Variants in ACE observed in about 807,000 individuals in gnomAD.
ACE encodes the protein angiotensin-converting enzyme.
ACE carries 122 observed loss-of-function variants against 162.3 expected under a neutral mutation model. The observed-to-expected ratio is 0.75, with a 90% CI of 0.65 to 0.87. The LOEUF is 0.87. Among genes scored for constraint, ACE ranks in the 40% least tolerant of loss-of-function variants. The pLI is 0.00. For synonymous variants in ACE, 796 were observed against 720.6 expected (o/e 1.10, Z -1.68); for missense variants, 1,799 against 1,735.1 (o/e 1.04, Z -0.65).
In ACE at chr17:63,477,073, G is replaced by A. The variant is rs1364889837; in HGVS notation, c.-22G>A. 6.2e-6 allele frequency: 8 copies of A among 1,296,044 alleles called. No individual in the cohort carries two copies. In the East Asian group the frequency reaches 1.3e-4, roughly 21 times the overall value. 80.3% of individuals were successfully genotyped at this position (1,296,044 alleles called of 1,614,324 possible). A position where few individuals can be genotyped will look rare whatever the true frequency, so the allele number is the denominator to read the frequency against. On this transcript the variant is annotated 5_prime_UTR_variant, in exon 1 of 25. Transcript: ENST00000290866. ...GCCGCGGCGCAGGAGAAGGGGCAGA[G>A]CCGAGCACCGCGCACCGCGTCATGG... is the stretch of plus-strand genomic sequence containing the variant.
At position 63,483,165 on chromosome 17, in the gene ACE, G is replaced by T. The variant is rs1182135727; in HGVS notation, c.1479G>T (p.Trp493Cys). ...CTTCCCGCTACAACTTCGACTGGTG[G>T]TATCTTCGGTGAGAGGAGGGATAGA... ...TPPSRYNFDW[W>C]YLRTKYQGIC... Residue 493 changes from tryptophan (W) to cysteine (C), a missense_variant, in exon 9 of 25, where the codon TGG (tryptophan) becomes TGT (cysteine). Transcript: ENST00000290866. 6.2e-7 allele frequency: 1 copy of T among 1,613,926 alleles called. No homozygotes were observed. Among genetic ancestry groups the T allele is most frequent in the South Asian group, 1.1e-5 (1 of 91,080 alleles).
intron 10 of ACE, 120 bp downstream of exon 10, chr17:63,483,678 G>C: frequency 7.2e-7 from 1 of 1,393,830 alleles, no homozygotes; most frequent in Non-Finnish European, 1.0e-6. Context: ...AGACCTCAAA[G>C]GCCTGGAGTT....
chr17:63,480,080 C>CT (rs1275264506), intron 4 of ACE, among the ~76,000 whole-genome samples, 168 bp downstream of exon 4: 1 of 152,198 alleles, frequency 6.6e-6, no homozygotes, highest in Non-Finnish European at 1.5e-5. Context: ...TGTGCCTGGA[C>CT]TTTGCTGCTG....
chr17:63,495,494 A>G (rs2030673012), intron 22 of ACE, among the ~76,000 whole-genome samples: 1 of 152,160 alleles, frequency 6.6e-6, no homozygotes, highest in African/African-American at 2.4e-5. Flanking sequence ...ATCAAGTGCT[A>G]ATAACTGATT....
Position 63,489,136 on chromosome 17 carries a change from A to T in ACE, c.2641+4A>T, listed in dbSNP as rs1243122335. Reference sequence around the variant, plus strand: ...CCCATTCCTGCTCACCTGCTGGGTAAGGGCACATGTCGGGCCTTGAGGAGG... The same window carrying T: ...CCCATTCCTGCTCACCTGCTGGGTATGGGCACATGTCGGGCCTTGAGGAGG... On this transcript the variant is annotated splice_donor_region_variant and intron_variant, in intron 17 of 24. Coordinates refer to ENST00000290866, the MANE Select transcript of ACE (RefSeq NM_000789.4). 1 of 1,607,284 alleles carries T rather than the reference A, an allele frequency of 6.2e-7. No homozygotes were observed. The highest frequency in any genetic ancestry group is 2.2e-5 in the East Asian group (1 of 44,894).
chr17:63,490,946 G>A lies in ACE; in HGVS notation c.2642-8G>A, dbSNP rs371426312. The A allele has an allele frequency of 9.9e-6, 16 of 1,613,814 alleles. No homozygotes were observed. The African/African-American group carries it at 1.2e-4, about 12-fold the overall frequency. On this transcript the variant is annotated splice_polypyrimidine_tract_variant and splice_region_variant and intron_variant, in intron 17 of 24. Coordinates refer to ENST00000290866, the MANE Select transcript of ACE (RefSeq NM_000789.4). ...CCTCTCTCTGCCGTCCCCCACACTC[G>A]CCTCCAGGGAACATGTGGGCGCAGA...
chr17:63,485,271 G>A lies in ACE; in HGVS notation c.1957G>A (p.Val653Met), dbSNP rs1248095456. 7 of 1,614,116 alleles carry A rather than the reference G, an allele frequency of 4.3e-6. No homozygotes were observed. Among genetic ancestry groups the A allele is most frequent in the Non-Finnish European group, 5.1e-6 (6 of 1,180,014 alleles). The stretch of plus-strand genomic sequence containing the variant: ...TGATGAGGCTGAGGCCAGCAAGTTT[G>A]TGGAGGAATATGACCGGACATCCCA... Reference protein sequence around the residue: ...VTDEAEASKFVEEYDRTSQVV... With the variant: ...VTDEAEASKFMEEYDRTSQVV... Residue 653 changes from valine to methionine, a missense_variant, in exon 13 of 25, where the codon GTG becomes ATG. By Grantham distance (21) the Val-to-Met change is conservative. Coordinates refer to ENST00000290866, the MANE Select transcript of ACE (RefSeq NM_000789.4).
chr17:63,480,830 T>G (rs1459606424), intron 5 of ACE, among the ~76,000 whole-genome samples: 1 of 152,212 alleles, frequency 6.6e-6, no homozygotes, highest in African/African-American at 2.4e-5. Flanking sequence ...AAACAAGCAC[T>G]GTGGCCCTGC....
rs755789019 is a variant in ACE, at chr17:63,481,169, C to T, written c.926C>T (p.Thr309Ile). Residue 309 changes from threonine to isoleucine, a missense_variant, in exon 6 of 25, where the codon ACC (threonine) becomes ATC (isoleucine). Physicochemically the swap from Thr to Ile is moderately conservative, Grantham distance 89 (BLOSUM62 -1). Coordinates refer to ENST00000290866, the MANE Select transcript of ACE (RefSeq NM_000789.4). ...CCAGACAAGCCCAACCTCGATGTCA[C>T]CAGTACTATGCTGCAGCAGGTAAGC... ...PFPDKPNLDV[T>I]STMLQQGWNA... 1 of 1,613,472 alleles carries T rather than the reference C, an allele frequency of 6.2e-7. No individual in the cohort carries two copies. The highest frequency in any genetic ancestry group is 1.7e-5 in the Admixed American group (1 of 59,986).
Position 63,494,407 on chromosome 17 carries a change from G to C in ACE, c.3317G>C (p.Arg1106Thr). Residue 1106 changes from arginine to threonine, a missense_variant, in exon 22 of 25, where the codon AGG (arginine) becomes ACG (threonine). Arg to Thr is a moderately conservative substitution (Grantham distance 71). Transcript: ENST00000290866. ...CAGGGCCTCTGCCCCCCAGTGCCCAGGACTCAAGGTGACTTTGACCCAGGG... is the reference window on the plus strand; with the variant it reads ...CAGGGCCTCTGCCCCCCAGTGCCCACGACTCAAGGTGACTTTGACCCAGGG... ...KYQGLCPPVP[R>T]TQGDFDPGAK... The C allele has an allele frequency of 1.2e-6, 2 of 1,614,184 alleles. No individual in the cohort carries two copies. Among genetic ancestry groups the C allele is most frequent in the Non-Finnish European group, 1.7e-6 (2 of 1,180,030 alleles).
chr17:63,481,577 C>A lies in ACE; in HGVS notation c.957C>A (p.Ala319=), dbSNP rs768781070. 6.2e-7 allele frequency: 1 copy of A among 1,613,916 alleles called. No homozygotes were observed. Among genetic ancestry groups the A allele is most frequent in the South Asian group, 1.1e-5 (1 of 91,080 alleles). Residue 319 remains alanine, a synonymous_variant, in exon 7 of 25, where the codon GCC becomes GCA. Transcript: ENST00000290866. ...TSTMLQQGWN[A]THMFRVAEEF... The stretch of plus-strand genomic sequence containing the variant: ...CACCCCTCCTCCAGGGCTGGAACGC[C>A]ACGCACATGTTCCGGGTGGCAGAGG...
rs953021870 is a variant in ACE at position 63,488,932 on chromosome 17, C to T, written c.2450-9C>T. 1.2e-6 allele frequency: 2 copies of T among 1,613,972 alleles called. No homozygotes were observed. Among genetic ancestry groups the T allele is most frequent in the Non-Finnish European group, 1.7e-6 (2 of 1,180,034 alleles). The stretch of plus-strand genomic sequence containing the variant: ...GTGTTGGGAGAGCCTGGCTGTGTCC[C>T]CTCTGTAGGCTATGTAGATGCAGGG... On this transcript the variant is annotated splice_polypyrimidine_tract_variant and intron_variant, in intron 16 of 24. Coordinates refer to ENST00000290866, the MANE Select transcript of ACE (RefSeq NM_000789.4).
chr17:63,490,452 C>A, intron 17 of ACE: 1 of 212,294 alleles, frequency 4.7e-6, no homozygotes, highest in Non-Finnish European at 9.6e-6. Flanking sequence ...GCCTTTCAAT[C>A]CCAGCCCTGC....
rs766006584 is a variant in ACE at position 63,480,296 on chromosome 17, G to A, written c.656-41G>A. 7.5e-6 allele frequency: 12 copies of A among 1,605,744 alleles called. No individual in the cohort carries two copies. The African/African-American group carries it at 1.6e-4, about 21-fold the overall frequency. On this transcript the variant is annotated intron_variant, in intron 4 of 24. Transcript: ENST00000290866. Reference sequence around the variant, plus strand: ...TTACAGCTGAGAGGCTGAGGTCCGAGCCTTTGGCCTGAGCTACATACCTCA... The same window carrying A: ...TTACAGCTGAGAGGCTGAGGTCCGAACCTTTGGCCTGAGCTACATACCTCA...
In ACE at chr17:63,494,293, C is replaced by T. The variant is rs888775283; in HGVS notation, c.3282-79C>T. ...CCCAGTATAGCCCCAAGTGCAGGGA[C>T]CCTCCCTCAAGTCAAAAATGCCACC... On this transcript the variant is annotated intron_variant, in intron 21 of 24. Transcript: ENST00000290866. 9 of 1,399,576 alleles carry T rather than the reference C, an allele frequency of 6.4e-6. No homozygotes were observed. The South Asian group carries it at 8.3e-5, about 13-fold the overall frequency. The allele number at this position is 1,399,576 out of a possible 1,614,324, so 86.7% of individuals were successfully genotyped here.
intron 20 of ACE, 37 bp from the exon 21 acceptor site, chr17:63,493,885 A>G (rs1434244227): frequency 6.2e-7 from 1 of 1,613,958 alleles, no homozygotes; most frequent in African/African-American, 1.3e-5. Flanking sequence ...AGCCGCTAGG[A>G]CCCTGGGTCT....
At chr17:63,487,439 T>A (rs1312820937) in intron 15 of ACE, among the ~76,000 whole-genome samples, 1 of 152,108 alleles carries the variant, frequency 6.6e-6, no homozygotes, top group Non-Finnish European at 1.5e-5. Flanking sequence ...CCTCCTTTCG[T>A]GACCCTGCCC....
rs112238315 is a variant in ACE at position 63,484,323 on chromosome 17, C to T, written c.1710-7C>T. The T allele has an allele frequency of 1.9e-6, 3 of 1,608,972 alleles. No homozygotes were observed. The African/African-American group carries it at 4.0e-5, about 21-fold the overall frequency. Reference sequence around the variant, plus strand: ...CCTGTGCCCATGGTACCCACTCTGCCCACCAGGAAGGTGCTGCAGGCTGGC... The same window carrying T: ...CCTGTGCCCATGGTACCCACTCTGCTCACCAGGAAGGTGCTGCAGGCTGGC... On this transcript the variant is annotated splice_region_variant and splice_polypyrimidine_tract_variant and intron_variant, in intron 11 of 24. Coordinates refer to ENST00000290866, the MANE Select transcript of ACE (RefSeq NM_000789.4). The surrounding 1 kb of genome is among the most constrained non-coding windows in gnomAD (Gnocchi z 4.0).
Position 63,484,071 on chromosome 17 carries a change from C to T in ACE, c.1709+100C>T. 6.6e-7 allele frequency: 1 copy of T among 1,513,586 alleles called. No homozygotes were observed. 93.8% of individuals were successfully genotyped at this position (1,513,586 alleles called of 1,614,324 possible). A position where few individuals can be genotyped will look rare whatever the true frequency, so the allele number is the denominator to read the frequency against. ...GCTGCTCTGATGGGGTGGGGGGCAC[C>T]AACCACAGAGCTGGACTGATGTGGA... On this transcript the variant is annotated intron_variant, in intron 11 of 24. Coordinates refer to ENST00000290866, the MANE Select transcript of ACE (RefSeq NM_000789.4). The surrounding 1 kb of genome is among the most constrained non-coding windows in gnomAD (Gnocchi z 4.0).
Sources: allele counts gnomAD v4.1 joint callset (sites outside exome capture counted in the v4.1 genomes callset), GRCh38; gene constraint gnomAD v4.1.1; non-coding constraint Gnocchi (gnomAD v3.1); transcripts MANE v1.5; gene names NCBI Gene and HGNC (gene_info 2026-07-23, HGNC 2026-07-21).